TANK: variants seen among roughly 807,000 people sequenced by gnomAD.
TANK encodes TRAF family member-associated NF-kappa-B activator.
In TANK, 15 loss-of-function variants were observed where a neutral mutation model predicts 43.6. That is an observed-to-expected ratio of 0.34 (90% CI 0.23 to 0.53). The LOEUF (loss-of-function observed/expected upper bound fraction) is 0.53. Among genes scored for constraint, TANK ranks in the 20% least tolerant of loss-of-function variants. TANK has a pLI of 0.94. For missense variants in TANK, 417 were observed against 498.6 expected (o/e 0.84, Z 1.56); for synonymous variants, 162 against 178.2 (o/e 0.91, Z 0.73).
chr2:161,232,651 T>G, intron 7 of TANK: 2 of 1,397,664 alleles, frequency 1.4e-6, no homozygotes, highest in Non-Finnish European at 9.4e-7. Flanking sequence ...GCAAGTAGAA[T>G]TCCTGTGGAG....
intron 1 of TANK, among the ~76,000 whole-genome samples, chr2:161,150,329 C>T (rs947712038): frequency 1.3e-5 from 2 of 152,006 alleles, no homozygotes; most frequent in African/African-American, 4.8e-5. Flanking sequence ...AATGTCCTCA[C>T]TTTCATTTTT....
At chr2:161,188,667 C>T in intron 2 of TANK, among the ~76,000 whole-genome samples, 1 of 152,152 alleles carries the variant, frequency 6.6e-6, no homozygotes. Context: ...CTTCCTTACC[C>T]ATTCTATGAG....
chr2:161,213,694 A>ATT lies in TANK; in HGVS notation c.327+8914_327+8915dup, dbSNP rs201255345. Among the ~76,000 whole-genome samples the ATT allele has an allele frequency of 7.5e-5, 7 of 92,978 alleles. No homozygotes were observed. In the South Asian group the frequency reaches 9.4e-4, roughly 13 times the overall value. The allele number at this position is 92,978 out of a possible 152,430, so 61.0% of individuals were successfully genotyped here. A position where few individuals can be genotyped will look rare whatever the true frequency, so the allele number is the denominator to read the frequency against. On this transcript the variant is annotated intron_variant, in intron 4 of 7. Transcript: ENST00000392749. Reference sequence around the variant, plus strand: ...ATGCTTCTACATTCAACCTGCTGTTATTTTTTTTTTTTTTGGTTGAATTGT... The same window carrying ATT: ...ATGCTTCTACATTCAACCTGCTGTTATTTTTTTTTTTTTTTTGGTTGAATTGT...
rs551304604 is a variant in TANK, at chr2:161,169,500, T to A, written c.-50+9014T>A. Among the ~76,000 whole-genome samples, 5 of 152,172 alleles carry A rather than the reference T, an allele frequency of 3.3e-5. No homozygotes were observed. In the South Asian group the frequency reaches 1.0e-3, roughly 32 times the overall value. On this transcript the variant is annotated intron_variant, in intron 1 of 7. Transcript: ENST00000392749. ...GAGGTAGGGGATATTTAAAGAGAGC[T>A]GAATCCTAATTTTCCATAATGAAGA...
intron 1 of TANK, among the ~76,000 whole-genome samples, chr2:161,175,079 T>G (rs369256153): frequency 6.6e-6 from 1 of 152,096 alleles, no homozygotes; most frequent in Admixed American, 6.6e-5. Context: ...CTCTCCAAAC[T>G]CTAGCCTTTT....
At chr2:161,227,809 A>C (rs569402305) in intron 6 of TANK, among the ~76,000 whole-genome samples, 1 of 152,352 alleles carries the variant, frequency 6.6e-6, no homozygotes, top group South Asian at 2.1e-4. Flanking sequence ...CTACAAAGAC[A>C]GTACTGTTTC....
At chr2:161,215,688 T>C (rs1439084731) in intron 4 of TANK, among the ~76,000 whole-genome samples, 2 of 152,186 alleles carry the variant, frequency 1.3e-5, no homozygotes, top group East Asian at 3.9e-4. Flanking sequence ...CCCAGTATTG[T>C]ATTTTAACAT....
intron 1 of TANK, among the ~76,000 whole-genome samples, chr2:161,142,048 G>A (rs1308236234): frequency 1.3e-5 from 2 of 152,152 alleles, no homozygotes; most frequent in African/African-American, 4.8e-5. Context: ...GTATCTCATT[G>A]TGGGTTTGAT....
intron 2 of TANK, among the ~76,000 whole-genome samples, chr2:161,201,523 A>G (rs1686411883): frequency 6.6e-6 from 1 of 152,226 alleles, no homozygotes; most frequent in Non-Finnish European, 1.5e-5. Context: ...TAATCTCTGG[A>G]CAGTATAATG....
At chr2:161,184,404 C>T (rs959622609) in intron 2 of TANK, among the ~76,000 whole-genome samples, 1 of 152,086 alleles carries the variant, frequency 6.6e-6, no homozygotes, top group African/African-American at 2.4e-5. Flanking sequence ...TATCCAGTTG[C>T]ACTTTATGCA....
At chr2:161,172,355 CT>C (rs72017971) in intron 1 of TANK, among the ~76,000 whole-genome samples, 6,699 of 89,162 alleles carry the variant, frequency 0.075, 108 homozygotes, top group Middle Eastern at 0.13. Context: ...TTTTTTTCGG[CT>C]TTTTTTTTTT....
intron 1 of TANK, among the ~76,000 whole-genome samples, chr2:161,164,164 C>T (rs537935743): frequency 3.6e-4 from 55 of 152,294 alleles, no homozygotes; most frequent in African/African-American, 1.3e-3. Flanking sequence ...AAAACCATAC[C>T]TTTGTCCAAA....
At chr2:161,207,893 T>A in intron 4 of TANK, 1 of 983,952 alleles carries the variant, frequency 1.0e-6, no homozygotes, top group African/African-American at 1.7e-5. Flanking sequence ...ATGATTCTTT[T>A]TTATTCTATT....
At chr2:161,154,602 C>T (rs1256461790) in intron 1 of TANK, among the ~76,000 whole-genome samples, 1 of 152,088 alleles carries the variant, frequency 6.6e-6, no homozygotes, top group Non-Finnish European at 1.5e-5. Context: ...TGTAAGCATG[C>T]AAGAAATACT....
chr2:161,204,818 A>G, intron 4 of TANK, 25 bp downstream of exon 4: 1 of 1,600,810 alleles, frequency 6.2e-7, no homozygotes, highest in Admixed American at 1.8e-5. Context: ...TGCAGAAAGC[A>G]GCATTTAAAT....
intron 2 of TANK, 86 bp from the exon 3 acceptor site, chr2:161,203,394 GGCAACTC>G: frequency 1.3e-6 from 1 of 785,092 alleles, no homozygotes; most frequent in Non-Finnish European, 2.1e-6. Flanking sequence ...TGACAATGTG[GGCAACTC>G]ATATCTATTT....
chr2:161,161,602 T>C (rs958372993), intron 1 of TANK: 3 of 994,792 alleles, frequency 3.0e-6, no homozygotes, highest in Non-Finnish European at 2.8e-6. Flanking sequence ...TGCTTTCTTA[T>C]GAAAATGAGA....
At chr2:161,177,319 A>G (rs1373639582) in intron 1 of TANK, among the ~76,000 whole-genome samples, 2 of 152,158 alleles carry the variant, frequency 1.3e-5, no homozygotes, top group Non-Finnish European at 2.9e-5. Context: ...CTTAAAATGT[A>G]TTTAGTATCT....
At chr2:161,159,956 T>G (rs1684330959), upstream of TANK, among the ~76,000 whole-genome samples, 1 of 152,170 alleles carries the variant, frequency 6.6e-6, no homozygotes, top group Admixed American at 6.5e-5. Flanking sequence ...CACGTTTAAT[T>G]ACATAAATTT....
Sources: allele counts gnomAD v4.1 joint callset (sites outside exome capture counted in the v4.1 genomes callset), GRCh38; gene constraint gnomAD v4.1.1; transcripts MANE v1.5; gene names NCBI Gene and HGNC (gene_info 2026-07-23, HGNC 2026-07-21).